FAAP20: variants seen among roughly 807,000 people sequenced by gnomAD.
FAAP20 encodes FA core complex associated protein 20.
A neutral mutation model predicts 16.2 loss-of-function variants in FAAP20; 12 were observed. That is an observed-to-expected ratio of 0.74 (90% CI 0.48 to 1.20). The LOEUF is 1.20. Among genes scored for constraint, FAAP20 ranks in the 50% most tolerant of loss-of-function variants. FAAP20 has a pLI of 0.00. For synonymous variants in FAAP20, 141 were observed against 110.7 expected, an observed-to-expected ratio of 1.27 and a Z score of -1.72; for missense variants, 288 against 245.8, an observed-to-expected ratio of 1.17 and a Z score of -1.15.
At chr1:2,200,803 A>G, upstream of FAAP20, 1 of 1,011,818 alleles carries the variant, frequency 9.9e-7, no homozygotes, top group Non-Finnish European at 1.2e-6. Flanking sequence ...ATGGGCCAAG[A>G]GCTGGAAGGG....
downstream of FAAP20, among the ~76,000 whole-genome samples, chr1:2,189,025 AAAAC>A (rs1488544417): frequency 1.4e-3 from 197 of 142,666 alleles, 1 homozygote; most frequent in Non-Finnish European, 2.4e-3. Flanking sequence ...AAAAAAAAAA[AAAAC>A]AAAAAGAACG....
chr1:2,185,041 G>T (rs1411364133), downstream of FAAP20: 45 of 1,567,612 alleles, frequency 2.9e-5, no homozygotes, highest in Non-Finnish European at 3.9e-5. Flanking sequence ...GGACACGCGT[G>T]ATTGACCCTT....
chr1:2,189,516 A>C, downstream of FAAP20: 2 of 622,094 alleles, frequency 3.2e-6, no homozygotes. Flanking sequence ...AATCTGCCCT[A>C]AACCAAACGT....
chr1:2,202,016 CAAAAA>C (rs759592309), upstream of FAAP20, among the ~76,000 whole-genome samples: 2 of 61,842 alleles, frequency 3.2e-5, no homozygotes, highest in African/African-American at 1.2e-4. Context: ...GACTCTGTCT[CAAAAA>C]AAAAAAAAAA....
At chr1:2,190,101 GGCA>G in intron 3 of FAAP20, 1 of 548,408 alleles carries the variant, frequency 1.8e-6, no homozygotes. Context: ...CGTGGAGCCC[GGCA>G]GACAGGCGGC....
At chr1:2,184,979 A>G (rs570896635), downstream of FAAP20, 9 of 1,613,720 alleles carry the variant, frequency 5.6e-6, no homozygotes, top group African/African-American at 1.1e-4. Context: ...ATATCAACCC[A>G]TTATTGCTGT....
chr1:2,211,443 T>A (rs1442429392), downstream of FAAP20, among the ~76,000 whole-genome samples: 109 of 57,340 alleles, frequency 1.9e-3, no homozygotes, highest in Non-Finnish European at 2.4e-3. Context: ...ATATTTTTTT[T>A]TTTTTTTTTT....
chr1:2,203,442 A>G (rs374798548), upstream of FAAP20: 608 of 985,750 alleles, frequency 6.2e-4, 7 homozygotes, highest in African/African-American at 9.3e-3. Context: ...TCACCGGTGC[A>G]GGCCACCCTG....
chr1:2,212,673 T>G, upstream of FAAP20: 8 of 274,226 alleles, frequency 2.9e-5, no homozygotes, highest in South Asian at 6.5e-5. Context: ...CCCAAAAGGG[T>G]GTAAGTTCCA....
upstream of FAAP20, among the ~76,000 whole-genome samples, chr1:2,204,691 C>A (rs1212730083): frequency 2.0e-5 from 3 of 152,150 alleles, no homozygotes; most frequent in Non-Finnish European, 4.4e-5. Context: ...TCAGGACTAG[C>A]GGATGATGGA....
At chr1:2,187,394 T>C (rs997980084), downstream of FAAP20, among the ~76,000 whole-genome samples, 2 of 149,068 alleles carry the variant, frequency 1.3e-5, no homozygotes, top group Non-Finnish European at 1.5e-5. Context: ...AACCTCCACC[T>C]CCCGGGTTTA....
chr1:2,192,188 C>G, intron 3 of FAAP20: 1 of 985,766 alleles, frequency 1.0e-6, no homozygotes, highest in African/African-American at 1.7e-5. Context: ...CCAGGGCATC[C>G]CAGGGTGGCT....
chr1:2,201,762 A>G (rs1689058590), upstream of FAAP20, among the ~76,000 whole-genome samples: 1 of 152,096 alleles, frequency 6.6e-6, no homozygotes, highest in East Asian at 1.9e-4. Context: ...TCATGCCTGT[A>G]ATACCAGCAC....
At chr1:2,189,011 GAAAA>G (rs71578368), downstream of FAAP20, among the ~76,000 whole-genome samples, 2 of 105,914 alleles carry the variant, frequency 1.9e-5, no homozygotes, top group South Asian at 3.0e-4. Context: ...TCTCAAAAAA[GAAAA>G]AAAAAAAAAA....
chr1:2,208,175 C>T (rs534393892), downstream of FAAP20, among the ~76,000 whole-genome samples: 45 of 152,170 alleles, frequency 3.0e-4, no homozygotes, highest in African/African-American at 1.0e-3. Flanking sequence ...CACCCCTGGG[C>T]ACAACGGGCA....
At chr1:2,188,908 G>C (rs887477194), downstream of FAAP20, among the ~76,000 whole-genome samples, 1 of 152,086 alleles carries the variant, frequency 6.6e-6, no homozygotes, top group Non-Finnish European at 1.5e-5. Context: ...GGGAGGCTGA[G>C]GCAGGAGAAT....
chr1:2,194,620 G>A, intron 1 of FAAP20, 68 bp downstream of exon 1: 2 of 926,270 alleles, frequency 2.2e-6, no homozygotes, highest in Non-Finnish European at 2.7e-6. Context: ...CGGGAGGCCC[G>A]CGGGGGCGCC....
At chr1:2,199,004 G>C (rs1417104847), upstream of FAAP20, 25 of 1,270,280 alleles carry the variant, frequency 2.0e-5, no homozygotes, top group Non-Finnish European at 2.2e-5. This position sits in a 1 kb window ranked among gnomAD's most constrained non-coding sequence, Gnocchi z 4.5. Context: ...GCAAGAGTAG[G>C]GGTGTGCCTT....
At chr1:2,199,299 G>A, upstream of FAAP20, 1 of 1,062,390 alleles carries the variant, frequency 9.4e-7, no homozygotes, top group Non-Finnish European at 1.1e-6. This position sits in a 1 kb window ranked among gnomAD's most constrained non-coding sequence, Gnocchi z 4.5. Context: ...CCACGTGTCG[G>A]GCTCAGCTTC....
Sources: allele counts gnomAD v4.1 joint callset (sites outside exome capture counted in the v4.1 genomes callset), GRCh38; gene constraint gnomAD v4.1.1; non-coding constraint Gnocchi (gnomAD v3.1); transcripts MANE v1.5; gene names NCBI Gene and HGNC (gene_info 2026-07-23, HGNC 2026-07-21).